CDH13: variants seen among roughly 807,000 people sequenced by gnomAD.
CDH13 encodes the protein cadherin 13, also known as cadherin-13.
A neutral mutation model predicts 63.8 loss-of-function variants in CDH13; 24 were observed. The ratio of observed to expected loss-of-function variants is 0.38; its 90% CI spans 0.27 to 0.53. The LOEUF is 0.53. Among genes scored for constraint, CDH13 ranks in the 20% least tolerant of loss-of-function variants. The pLI, the probability that CDH13 is intolerant of heterozygous loss-of-function variation, is 0.85. For synonymous variants in CDH13, 503 were observed against 355.3 expected (o/e 1.42, Z -4.67); for missense variants, 1,049 against 903.1 (o/e 1.16, Z -2.07).
intron 2 of CDH13, among the ~76,000 whole-genome samples, chr16:82,970,096 C>A (rs1454767007): frequency 1.3e-5 from 2 of 152,126 alleles, no homozygotes; most frequent in African/African-American, 2.4e-5. Context: ...TAGACCCCTA[C>A]CCATCGACAG....
At chr16:83,345,101 C>A in intron 6 of CDH13, 95 bp downstream of exon 6, 1 of 1,382,784 alleles carries the variant, frequency 7.2e-7, no homozygotes, top group Non-Finnish European at 9.9e-7. Flanking sequence ...GCTGTTCCAA[C>A]TTGTCAGCTC....
At chr16:83,591,441 C>T (rs767215637) in intron 7 of CDH13, among the ~76,000 whole-genome samples, 3 of 152,232 alleles carry the variant, frequency 2.0e-5, no homozygotes, top group Admixed American at 6.5e-5. Flanking sequence ...CAGCCATGTG[C>T]TCCTGGGATT....
chr16:83,662,815 G>A (rs1051759207), intron 8 of CDH13, among the ~76,000 whole-genome samples: 3 of 152,158 alleles, frequency 2.0e-5, no homozygotes, highest in African/African-American at 7.2e-5. Flanking sequence ...CCTGCTCAAG[G>A]CAGCTGGAGT....
At chr16:83,196,873 G>T (rs962586072) in intron 4 of CDH13, among the ~76,000 whole-genome samples, 2 of 152,168 alleles carry the variant, frequency 1.3e-5, no homozygotes, top group Non-Finnish European at 2.9e-5. Flanking sequence ...GTCAAGAAAC[G>T]AGTTTGGCAG....
intron 2 of CDH13, among the ~76,000 whole-genome samples, chr16:83,030,581 T>C (rs1916211663): frequency 7.0e-6 from 1 of 142,688 alleles, no homozygotes; most frequent in Non-Finnish European, 1.5e-5. Flanking sequence ...AGGCAGAGGC[T>C]GCAGTCAGCC....
intron 5 of CDH13, among the ~76,000 whole-genome samples, chr16:83,287,507 C>A (rs1342392978): frequency 6.6e-6 from 1 of 152,160 alleles, no homozygotes; most frequent in Admixed American, 6.5e-5. Flanking sequence ...CGAGCATGAA[C>A]CTTATTGCAA....
At chr16:83,126,908 T>C (rs2035836471) in intron 4 of CDH13, among the ~76,000 whole-genome samples, 3 of 152,066 alleles carry the variant, frequency 2.0e-5, no homozygotes, top group Non-Finnish European at 4.4e-5. Context: ...GTATGACAAA[T>C]GCTGTGAAAA....
At chr16:82,880,247 C>T (rs1231122429) in intron 2 of CDH13, among the ~76,000 whole-genome samples, 2 of 152,052 alleles carry the variant, frequency 1.3e-5, no homozygotes, top group Non-Finnish European at 2.9e-5. Flanking sequence ...GCTTCTCCCA[C>T]CTGAACAAAT....
intron 1 of CDH13, among the ~76,000 whole-genome samples, chr16:82,827,005 A>T (rs969555898): frequency 6.6e-6 from 1 of 152,342 alleles, no homozygotes; most frequent in South Asian, 2.1e-4. Context: ...GAATTCATCC[A>T]GCCCCTGGCA....
intron 7 of CDH13, among the ~76,000 whole-genome samples, chr16:83,490,886 T>C (rs10871274): frequency 0.69 from 104,822 of 152,108 alleles, 37,119 homozygotes; most frequent in East Asian, 0.89. Context: ...CCTACCAGAA[T>C]ATACGCTTCT....
chr16:83,469,923 A>G (rs774426594), intron 6 of CDH13, among the ~76,000 whole-genome samples: 4 of 152,220 alleles, frequency 2.6e-5, no homozygotes. Flanking sequence ...CCAAACCCCT[A>G]CAGGCTGGGA....
chr16:83,765,296 A>G (rs1914291815), intron 11 of CDH13, among the ~76,000 whole-genome samples: 1 of 151,476 alleles, frequency 6.6e-6, no homozygotes, highest in Admixed American at 6.6e-5. Context: ...CTCAAAATTA[A>G]TTATTTCCCT....
intron 1 of CDH13, among the ~76,000 whole-genome samples, chr16:82,648,175 T>G (rs1300979254): frequency 1.3e-5 from 2 of 152,174 alleles, no homozygotes. Context: ...TCATAGCAGT[T>G]TGAAAATGGA....
rs546900290 is a variant in CDH13 at position 82,987,438 on chromosome 16, A to G, written c.158-44572A>G. On this transcript the variant is annotated intron_variant, in intron 2 of 13. Coordinates refer to ENST00000567109, the MANE Select transcript of CDH13 (RefSeq NM_001257.5). ...GTCTCCCAGGCTGGAATACAGTGTC[A>G]CGATCCTGGCTCATTGCAACCTCCT... Among the ~76,000 whole-genome samples, 9 of 152,202 alleles carry G rather than the reference A, an allele frequency of 5.9e-5. No homozygotes were observed. In the East Asian group the frequency reaches 1.7e-3, roughly 29 times the overall value.
intron 1 of CDH13, among the ~76,000 whole-genome samples, chr16:82,675,169 A>G (rs75148395): frequency 0.044 from 6,655 of 152,282 alleles, 496 homozygotes; most frequent in African/African-American, 0.15. Context: ...AAAATGTGTA[A>G]AAGACACACT....
At chr16:82,819,484 T>A (rs992207722) in intron 1 of CDH13, among the ~76,000 whole-genome samples, 3 of 152,188 alleles carry the variant, frequency 2.0e-5, no homozygotes, top group African/African-American at 7.2e-5. Flanking sequence ...TTCCTCCAGC[T>A]CTTTTGTCCC....
chr16:83,701,772 G>T (rs765187662), intron 10 of CDH13, among the ~76,000 whole-genome samples: 10 of 152,206 alleles, frequency 6.6e-5, no homozygotes, highest in Admixed American at 2.0e-4. Context: ...CTACTGGGTT[G>T]CTAGGTATTT....
At chr16:83,023,491 G>C (rs1915532820) in intron 2 of CDH13, among the ~76,000 whole-genome samples, 1 of 152,176 alleles carries the variant, frequency 6.6e-6, no homozygotes, top group African/African-American at 2.4e-5. Flanking sequence ...AGTACAGATA[G>C]TTCATTTCCC....
intron 6 of CDH13, among the ~76,000 whole-genome samples, chr16:83,477,426 A>T (rs1188105079): frequency 6.6e-6 from 1 of 152,190 alleles, no homozygotes; most frequent in Non-Finnish European, 1.5e-5. Context: ...TGAAGTCAGC[A>T]ACTGTCCCAA....
Sources: gnomAD v4.1 joint callset for allele counts (sites outside exome capture counted in the v4.1 genomes callset) on GRCh38, gnomAD v4.1.1 for gene constraint, MANE v1.5 for transcripts, NCBI Gene and HGNC (gene_info 2026-07-23, HGNC 2026-07-21) for gene names.